DENND5B: variants seen among roughly 807,000 people sequenced by gnomAD.
DENND5B encodes DENN domain containing 5B.
Under a neutral mutation model 140.6 loss-of-function variants are expected in DENND5B, and 34 were observed. That is an observed-to-expected ratio of 0.24 (90% confidence interval 0.18 to 0.32). The LOEUF is 0.32. DENND5B is among the 10% of genes least tolerant of loss of function. The probability of loss-of-function intolerance (pLI) is 1.00; values close to 1 mark genes in which losing one functional copy is unlikely to be tolerated. For synonymous variants in DENND5B, 551 were observed against 562.1 expected (o/e 0.98, Z 0.28); for missense variants, 1,142 against 1,560.2 (o/e 0.73, Z 4.52).
chr12:31,553,892 C>T (rs1209704806), intron 1 of DENND5B, among the ~76,000 whole-genome samples: 2 of 151,990 alleles, frequency 1.3e-5, no homozygotes, highest in Non-Finnish European at 2.9e-5. Flanking sequence ...CAACCCCTGC[C>T]TTTTTTTGTT....
chr12:31,516,581 A>C (rs1947661386), intron 1 of DENND5B, among the ~76,000 whole-genome samples: 1 of 151,714 alleles, frequency 6.6e-6, no homozygotes, highest in Non-Finnish European at 1.5e-5. Flanking sequence ...ATCATTGATG[A>C]TAGCAGTCAT....
At chr12:31,535,564 T>A (rs976195523) in intron 1 of DENND5B, among the ~76,000 whole-genome samples, 1 of 152,120 alleles carries the variant, frequency 6.6e-6, no homozygotes, top group African/African-American at 2.4e-5. Flanking sequence ...GTGGTAACTC[T>A]ACAAATCCGC....
chr12:31,531,396 C>T (rs1996693), intron 1 of DENND5B, among the ~76,000 whole-genome samples: 86,871 of 151,994 alleles, frequency 0.57, 25,299 homozygotes, highest in East Asian at 0.82. Flanking sequence ...GACAGTGTTT[C>T]GCCATGTTGG....
intron 1 of DENND5B, chr12:31,500,383 A>T (rs1395291802): frequency 1.5e-5 from 7 of 454,084 alleles, no homozygotes; most frequent in Admixed American, 7.1e-5. Flanking sequence ...GACCAACTTT[A>T]AAAAATTACA....
intron 6 of DENND5B, among the ~76,000 whole-genome samples, chr12:31,445,181 A>G (rs793188): frequency 0.92 from 140,369 of 152,226 alleles, 65,311 homozygotes; most frequent in East Asian, 0.99. Flanking sequence ...GAACAGGTTA[A>G]GGACCAGGCA....
intron 17 of DENND5B, among the ~76,000 whole-genome samples, chr12:31,397,843 G>A (rs1348557648): frequency 6.6e-6 from 1 of 151,986 alleles, no homozygotes; most frequent in African/African-American, 2.4e-5. Context: ...AGGATCATTT[G>A]AACCCGGGAA....
intron 11 of DENND5B, among the ~76,000 whole-genome samples, chr12:31,416,511 G>T (rs1010322963): frequency 6.6e-6 from 1 of 151,982 alleles, no homozygotes; most frequent in African/African-American, 2.4e-5. Flanking sequence ...TGATCTGCCC[G>T]CCTTGGCCTC....
chr12:31,450,688 C>T (rs1944473165), intron 5 of DENND5B, among the ~76,000 whole-genome samples: 1 of 152,090 alleles, frequency 6.6e-6, no homozygotes, highest in African/African-American at 2.4e-5. Flanking sequence ...TTCATTATTT[C>T]CAAAAATTCT....
intron 1 of DENND5B, among the ~76,000 whole-genome samples, chr12:31,584,854 G>T (rs1220960863): frequency 3.1e-4 from 14 of 45,868 alleles, no homozygotes; most frequent in African/African-American, 1.2e-3. Context: ...CGAAAAAAAA[G>T]AAAGAAAAAG....
intron 2 of DENND5B, among the ~76,000 whole-genome samples, chr12:31,482,892 C>CT (rs975179763): frequency 1.4e-4 from 21 of 152,312 alleles, no homozygotes; most frequent in Middle Eastern, 3.4e-3. Context: ...CCAATGGACT[C>CT]TTATCTCACT....
At chr12:31,513,173 G>A (rs527917818) in intron 1 of DENND5B, among the ~76,000 whole-genome samples, 12 of 152,284 alleles carry the variant, frequency 7.9e-5, no homozygotes, top group Admixed American at 5.2e-4. Flanking sequence ...GAGTTTATAG[G>A]TTTGGGGAAG....
chr12:31,590,678 C>T (rs1449754894), intron 1 of DENND5B, 28 bp downstream of exon 1: 4 of 1,452,002 alleles, frequency 2.8e-6, no homozygotes, highest in Non-Finnish European at 3.6e-6. Context: ...CCTGAGGGGG[C>T]TCAGCGCCGC....
intron 1 of DENND5B, among the ~76,000 whole-genome samples, chr12:31,498,710 T>A (rs992905809): frequency 6.6e-6 from 1 of 152,132 alleles, no homozygotes; most frequent in South Asian, 2.1e-4. Context: ...CTGTGGCTCA[T>A]GCCTGTAATC....
At chr12:31,490,492 G>C (rs1946483618) in intron 2 of DENND5B, among the ~76,000 whole-genome samples, 1 of 151,872 alleles carries the variant, frequency 6.6e-6, no homozygotes, top group African/African-American at 2.4e-5. Flanking sequence ...CACACCTGTA[G>C]TCTCAGCTAC....
intron 13 of DENND5B, among the ~76,000 whole-genome samples, chr12:31,411,675 G>T (rs918389716): frequency 6.6e-6 from 1 of 151,934 alleles, no homozygotes; most frequent in Non-Finnish European, 1.5e-5. Context: ...AAAAAACCAC[G>T]CCAGTTTTAA....
intron 6 of DENND5B, among the ~76,000 whole-genome samples, chr12:31,445,163 CT>C (rs1162397163): frequency 6.6e-6 from 1 of 152,170 alleles, no homozygotes; most frequent in Non-Finnish European, 1.5e-5. Flanking sequence ...ATCTGCTTAT[CT>C]GGCAAAGAAC....
At chr12:31,432,276 T>G (rs1261905235) in intron 8 of DENND5B, 103 of 177,326 alleles carry the variant, frequency 5.8e-4, no homozygotes, top group Non-Finnish European at 1.0e-3. Flanking sequence ...GGGAAGAAAA[T>G]ACAGTAGCCG....
chr12:31,553,745 T>C (rs917350149), intron 1 of DENND5B, among the ~76,000 whole-genome samples: 33 of 152,354 alleles, frequency 2.2e-4, no homozygotes, highest in Admixed American at 7.2e-4. Context: ...ATCTGGGTGC[T>C]CCTGTATTGG....
At position 31,437,407 on chromosome 12, in the gene DENND5B, T is replaced by G. The variant is rs555696484; in HGVS notation, c.2013-4159A>C. On this transcript the variant is annotated intron_variant, in intron 7 of 20. Coordinates refer to ENST00000389082, the MANE Select transcript of DENND5B (RefSeq NM_144973.4). ...CCTCGGCCTCCCAAAGTGCTGGGAT[T>G]ACAGGCGTGAACCACCATGCCTGGC... Among the ~76,000 whole-genome samples the G allele has an allele frequency of 2.6e-5, 4 of 152,314 alleles. No homozygotes were observed. In the East Asian group the frequency reaches 7.7e-4, roughly 29 times the overall value.
Sources: gnomAD v4.1 joint callset for allele counts (sites outside exome capture counted in the v4.1 genomes callset) on GRCh38, gnomAD v4.1.1 for gene constraint, MANE v1.5 for transcripts, NCBI Gene and HGNC (gene_info 2026-07-23, HGNC 2026-07-21) for gene names.